LRRC55: variants seen among roughly 807,000 people sequenced by gnomAD.
The protein encoded by LRRC55 is leucine rich repeat containing 55.
In LRRC55, 11 loss-of-function variants were observed where a neutral mutation model predicts 20.5. The ratio of observed to expected loss-of-function variants is 0.54; its 90% CI spans 0.34 to 0.89. The LOEUF (loss-of-function observed/expected upper bound fraction) is 0.89. Among genes scored for constraint, LRRC55 ranks in the 40% least tolerant of loss-of-function variants. The probability of loss-of-function intolerance (pLI) is 0.02; values close to 1 mark genes in which losing one functional copy is unlikely to be tolerated. For missense variants in LRRC55, 358 were observed against 390.9 expected (o/e 0.92, Z 0.71); for synonymous variants, 188 against 166.6 (o/e 1.13, Z -0.99).
Position 57,189,607 on chromosome 11 carries a change from G to T in LRRC55, c.*2127G>T, listed in dbSNP as rs1413660812. 1 of 152,246 alleles carries T rather than the reference G, an allele frequency of 6.6e-6. No homozygotes were observed. Among genetic ancestry groups the T allele is most frequent in the African/African-American group, 2.4e-5 (1 of 41,446 alleles). 9.4% of individuals were successfully genotyped at this position (152,246 alleles called of 1,614,324 possible). A position where few individuals can be genotyped will look rare whatever the true frequency, so the allele number is the denominator to read the frequency against. ...ACCACTCCTGCTCAAGCCCTGCTGC[G>T]TGTGTTGCAAGAGATACTAAGAGAG... On this transcript the variant is annotated 3_prime_UTR_variant, in exon 2 of 2. Transcript: ENST00000497933.
In LRRC55 at chr11:57,191,686, C is replaced by T. The variant is rs1854513149; in HGVS notation, c.*4206C>T. 6.6e-6 allele frequency: 1 copy of T among 151,876 alleles called. No homozygotes were observed. The highest frequency in any genetic ancestry group is 1.5e-5 in the Non-Finnish European group (1 of 68,020). The allele number at this position is 151,876 out of a possible 1,614,324, so 9.4% of individuals were successfully genotyped here. A position where few individuals can be genotyped will look rare whatever the true frequency, so the allele number is the denominator to read the frequency against. ...CTGTGCAGAATTTTTCATAAATGTA[C>T]ATTAATAATAAAGAGTGTATAGTTT... On this transcript the variant is annotated 3_prime_UTR_variant, in exon 2 of 2. Transcript: ENST00000497933.
rs1468257231 is a variant in LRRC55, at chr11:57,188,077, A to T, written c.*597A>T. On this transcript the variant is annotated 3_prime_UTR_variant, in exon 2 of 2. Coordinates refer to ENST00000497933, the MANE Select transcript of LRRC55 (RefSeq NM_001005210.4). Reference sequence around the variant, plus strand: ...ATGCCAGCCACTGCCTACAGGGAGTAAGAACACCTCTATGACAGCCCCTGG... The same window carrying T: ...ATGCCAGCCACTGCCTACAGGGAGTTAGAACACCTCTATGACAGCCCCTGG... The T allele has an allele frequency of 6.4e-6, 1 of 156,990 alleles. No homozygotes were observed. Among genetic ancestry groups the T allele is most frequent in the African/African-American group, 2.4e-5 (1 of 41,468 alleles). The allele number at this position is 156,990 out of a possible 1,614,324, so 9.7% of individuals were successfully genotyped here.
At chr11:57,187,214 T>C (rs531095042) in intron 1 of LRRC55, 31 bp from the exon 2 acceptor site, 1 of 1,594,174 alleles carries the variant, frequency 6.3e-7, no homozygotes, top group East Asian at 2.2e-5. Flanking sequence ...CTTCCCTGGG[T>C]ACCTCACCCT....
Position 57,187,692 on chromosome 11 carries a change from C to A in LRRC55, c.*212C>A. On this transcript the variant is annotated 3_prime_UTR_variant, in exon 2 of 2. Transcript: ENST00000497933. ...ATCAGATGAACTGACTCAGTCCCTG[C>A]CCTCAAGGCACTTCCCTCTGGTCAA... 2 of 616,402 alleles carry A rather than the reference C, an allele frequency of 3.2e-6. No homozygotes were observed. The highest frequency in any genetic ancestry group is 2.9e-6 in the Non-Finnish European group (1 of 348,622). The allele number at this position is 616,402 out of a possible 1,614,324, so 38.2% of individuals were successfully genotyped here.
chr11:57,182,113 C>T lies in LRRC55; in HGVS notation c.91C>T (p.His31Tyr), dbSNP rs202191705. ...ISLLLAAGLMHSDAGTSCPVL... is the reference protein window; with the variant it reads ...ISLLLAAGLMYSDAGTSCPVL... ...CCTCCTCTTGGCAGCCGGGTTGATGCACTCGGATGCCGGCACCAGCTGCCC... is the reference window on the plus strand; with the variant it reads ...CCTCCTCTTGGCAGCCGGGTTGATGTACTCGGATGCCGGCACCAGCTGCCC... The change falls in exon 1 of 2, where the codon CAC (histidine) becomes TAC (tyrosine). Residue 31 changes from histidine (H) to tyrosine (Y), a missense_variant. His to Tyr is a moderately conservative substitution (Grantham distance 83, BLOSUM62 2). Coordinates refer to ENST00000497933, the MANE Select transcript of LRRC55 (RefSeq NM_001005210.4). 242 of 1,614,172 alleles carry T rather than the reference C, an allele frequency of 1.5e-4. 1 individual carries two copies. The East Asian group carries it at 5.3e-3, about 35-fold the overall frequency.
rs908340549 is a variant in LRRC55, at chr11:57,190,355, A to G, written c.*2875A>G. ...AAGGACAGATGTTTCTCCTGCTGCTAGAAGTTCCTCAGTTTACTAGAGCAC... is the reference window on the plus strand; with the variant it reads ...AAGGACAGATGTTTCTCCTGCTGCTGGAAGTTCCTCAGTTTACTAGAGCAC... On this transcript the variant is annotated 3_prime_UTR_variant, in exon 2 of 2. Transcript: ENST00000497933. 1.3e-5 allele frequency: 2 copies of G among 152,218 alleles called. No individual in the cohort carries two copies. The highest frequency in any genetic ancestry group is 4.8e-5 in the African/African-American group (2 of 41,450). 9.4% of individuals were successfully genotyped at this position (152,218 alleles called of 1,614,324 possible). A position where few individuals can be genotyped will look rare whatever the true frequency, so the allele number is the denominator to read the frequency against.
rs912031746 is a variant in LRRC55 at position 57,189,828 on chromosome 11, T to A, written c.*2348T>A. ...AGGAATGAAGGAGGCTAATAAGTCA[T>A]CTTCCAGGAAGGCATCCCTCACTCG... On this transcript the variant is annotated 3_prime_UTR_variant, in exon 2 of 2. Coordinates refer to ENST00000497933, the MANE Select transcript of LRRC55 (RefSeq NM_001005210.4). 6.6e-6 allele frequency: 1 copy of A among 152,204 alleles called. No individual in the cohort carries two copies. Among genetic ancestry groups the A allele is most frequent in the Non-Finnish European group, 1.5e-5 (1 of 68,060 alleles). The allele number at this position is 152,204 out of a possible 1,614,324, so 9.4% of individuals were successfully genotyped here.
chr11:57,188,299 T>C lies in LRRC55; in HGVS notation c.*819T>C, dbSNP rs2135337267. On this transcript the variant is annotated 3_prime_UTR_variant, in exon 2 of 2. Transcript: ENST00000497933. The stretch of plus-strand genomic sequence containing the variant: ...CCAGCAACTGGGGCAGCAAGAGTCC[T>C]GGCACCTTGGGATCCTAATCATGTG... 6.5e-6 allele frequency: 1 copy of C among 152,798 alleles called. No individual in the cohort carries two copies. Among genetic ancestry groups the C allele is most frequent in the East Asian group, 1.9e-4 (1 of 5,178 alleles). 9.5% of individuals were successfully genotyped at this position (152,798 alleles called of 1,614,324 possible).
chr11:57,183,312 A>G (rs774948783), intron 1 of LRRC55, among the ~76,000 whole-genome samples: 10 of 152,224 alleles, frequency 6.6e-5, no homozygotes, highest in Non-Finnish European at 1.2e-4. Flanking sequence ...CAATAGCTTA[A>G]GTTGCGTGAC....
intron 1 of LRRC55, among the ~76,000 whole-genome samples, chr11:57,186,620 C>A (rs1455637948): frequency 1.3e-5 from 2 of 152,176 alleles, no homozygotes; most frequent in Admixed American, 6.5e-5. Flanking sequence ...CCCAAAGGGA[C>A]AAATGCAAAA....
In LRRC55 at chr11:57,182,414, A is replaced by G. The variant is rs1455102690; in HGVS notation, c.392A>G (p.Asp131Gly). The G allele has an allele frequency of 6.2e-7, 1 of 1,613,208 alleles. No homozygotes were observed. Among genetic ancestry groups the G allele is most frequent in the Non-Finnish European group, 8.5e-7 (1 of 1,180,020 alleles). The change falls in exon 1 of 2, where the codon GAC becomes GGC. Residue 131 changes from aspartate (D) to glycine (G), a missense_variant. Physicochemically the swap from Asp to Gly is moderately conservative, Grantham distance 94. Coordinates refer to ENST00000497933, the MANE Select transcript of LRRC55 (RefSeq NM_001005210.4). ...SYNNFSHVPADMFQEAHGLVH... is the reference protein window; with the variant it reads ...SYNNFSHVPAGMFQEAHGLVH... ...AACAATTTCAGCCATGTGCCAGCCGACATGTTCCAGGAGGCCCATGGGCTA... is the reference window on the plus strand; with the variant it reads ...AACAATTTCAGCCATGTGCCAGCCGGCATGTTCCAGGAGGCCCATGGGCTA...
chr11:57,182,944 A>G (rs1249476586), intron 1 of LRRC55, among the ~76,000 whole-genome samples: 1 of 152,198 alleles, frequency 6.6e-6, no homozygotes, highest in East Asian at 1.9e-4. Context: ...AGGCAGACGG[A>G]TAGTAGACAA....
In LRRC55 at chr11:57,189,033, A is replaced by G. The variant is rs1565181519; in HGVS notation, c.*1553A>G. 2 of 152,236 alleles carry G rather than the reference A, an allele frequency of 1.3e-5. No individual in the cohort carries two copies. The highest frequency in any genetic ancestry group is 2.9e-5 in the Non-Finnish European group (2 of 68,056). 9.4% of individuals were successfully genotyped at this position (152,236 alleles called of 1,614,324 possible). On this transcript the variant is annotated 3_prime_UTR_variant, in exon 2 of 2. Transcript: ENST00000497933. ...GTAACTTTACGAGCAAAGCACAATT[A>G]TCATCATCGTGGTCTTCTTCATCAG...
rs925189281 is a variant in LRRC55, at chr11:57,190,843, G to A, written c.*3363G>A. The A allele has an allele frequency of 6.6e-6, 1 of 152,206 alleles. No homozygotes were observed. The highest frequency in any genetic ancestry group is 1.5e-5 in the Non-Finnish European group (1 of 68,036). 9.4% of individuals were successfully genotyped at this position (152,206 alleles called of 1,614,324 possible). A position where few individuals can be genotyped will look rare whatever the true frequency, so the allele number is the denominator to read the frequency against. On this transcript the variant is annotated 3_prime_UTR_variant, in exon 2 of 2. Transcript: ENST00000497933. ...AATATTACATTGCTTGATAGATTAA[G>A]ATGGAATCCCACCAGGTTTAGGGTA...
intron 1 of LRRC55, among the ~76,000 whole-genome samples, chr11:57,186,809 G>A (rs977247604): frequency 6.6e-6 from 1 of 152,188 alleles, no homozygotes; most frequent in Non-Finnish European, 1.5e-5. Flanking sequence ...CCAGGGAAGG[G>A]TTTAAGTAGA....
rs1449172304 is a variant in LRRC55, at chr11:57,191,026, A to G, written c.*3546A>G. 1 of 152,140 alleles carries G rather than the reference A, an allele frequency of 6.6e-6. No homozygotes were observed. Among genetic ancestry groups the G allele is most frequent in the Non-Finnish European group, 1.5e-5 (1 of 68,028 alleles). The allele number at this position is 152,140 out of a possible 1,614,324, so 9.4% of individuals were successfully genotyped here. On this transcript the variant is annotated 3_prime_UTR_variant, in exon 2 of 2. Transcript: ENST00000497933. ...TCCATGCTAGGCCAGAGGATATCAAAGTTTAGTTTGGTCAAGATTTGGGCC... is the reference window on the plus strand; with the variant it reads ...TCCATGCTAGGCCAGAGGATATCAAGGTTTAGTTTGGTCAAGATTTGGGCC...
At chr11:57,182,842 T>C (rs1312185899) in intron 1 of LRRC55, among the ~76,000 whole-genome samples, 159 bp downstream of exon 1, 2 of 152,208 alleles carry the variant, frequency 1.3e-5, no homozygotes, top group East Asian at 3.8e-4. Context: ...AACAGGTTGT[T>C]TGTAGAATCC....
rs748897052 is a variant in LRRC55 at position 57,182,267 on chromosome 11, C to T, written c.245C>T (p.Pro82Leu). The change falls in exon 1 of 2, where the codon CCT becomes CTT. Residue 82 changes from proline to leucine, a missense_variant. Physicochemically the swap from Pro to Leu is moderately conservative, Grantham distance 98. This residue lies in a region of LRRC55 where 175 missense variants were observed against 164.5 expected (regional missense o/e 1.06). Transcript: ENST00000497933. ...CACAACCGCATCACAGCAGTGCCGC[C>T]TGGCTACCTCACATGCTACATGGAG... Reference protein sequence around the residue: ...LAHNRITAVPPGYLTCYMELQ... With the variant: ...LAHNRITAVPLGYLTCYMELQ... The T allele has an allele frequency of 5.0e-6, 8 of 1,614,230 alleles. No homozygotes were observed. In the East Asian group the frequency reaches 1.6e-4, roughly 31 times the overall value.
chr11:57,182,403 T>C lies in LRRC55; in HGVS notation c.381T>C (p.His127=), dbSNP rs933934309. 6 of 1,613,434 alleles carry C rather than the reference T, an allele frequency of 3.7e-6. No homozygotes were observed. The highest frequency in any genetic ancestry group is 2.7e-5 in the African/African-American group (2 of 74,938). The part of the protein sequence containing the change: ...HLDLSYNNFS[H]VPADMFQEAH... The stretch of plus-strand genomic sequence containing the variant: ...ACCTGAGCTACAACAATTTCAGCCA[T>C]GTGCCAGCCGACATGTTCCAGGAGG... Residue 127 remains histidine (H), a synonymous_variant, in exon 1 of 2, where the codon CAT becomes CAC. Transcript: ENST00000497933.
Sources: allele counts gnomAD v4.1 joint callset (sites outside exome capture counted in the v4.1 genomes callset), GRCh38; gene constraint gnomAD v4.1.1; regional missense constraint gnomAD v4.1.1; transcripts MANE v1.5; gene names NCBI Gene and HGNC (gene_info 2026-07-23, HGNC 2026-07-21).